PTH2R: variants seen among roughly 807,000 people sequenced by gnomAD.
PTH2R encodes the protein PTH2 receptor.
In PTH2R, 59 loss-of-function variants were observed where a neutral mutation model predicts 60.3. The observed-to-expected ratio is 0.98, with a 90% CI of 0.79 to 1.22. The LOEUF (loss-of-function observed/expected upper bound fraction) is 1.22. Ranked by LOEUF, PTH2R falls within the 50% of genes most tolerant of loss-of-function variation. PTH2R has a pLI of 0.00. For synonymous variants in PTH2R, 256 were observed against 243.8 expected, an observed-to-expected ratio of 1.05 and a Z score of -0.47; for missense variants, 749 against 682.6, an observed-to-expected ratio of 1.10 and a Z score of -1.08.
chr2:208,429,510 T>C (rs1701927671), intron 2 of PTH2R, among the ~76,000 whole-genome samples: 1 of 152,176 alleles, frequency 6.6e-6, no homozygotes. Context: ...TTAAAAAATA[T>C]GTACAATTTA....
chr2:208,493,144 C>T (rs1288525573), intron 12 of PTH2R, 120 bp from the exon 13 acceptor site: 15 of 1,109,158 alleles, frequency 1.4e-5, no homozygotes, highest in South Asian at 8.8e-5. Flanking sequence ...GTCCCTGGCA[C>T]GTAGAGGAAC....
chr2:208,436,015 G>T (rs1347836436), intron 2 of PTH2R, among the ~76,000 whole-genome samples: 7 of 152,174 alleles, frequency 4.6e-5, no homozygotes, highest in African/African-American at 1.7e-4. Flanking sequence ...AGAGCACAGA[G>T]AGTTGACACT....
At chr2:208,485,618 A>G (rs1406710702) in intron 10 of PTH2R, among the ~76,000 whole-genome samples, 1 of 152,206 alleles carries the variant, frequency 6.6e-6, no homozygotes, top group Non-Finnish European at 1.5e-5. Flanking sequence ...ACAGGGCTAT[A>G]ATTAGTTACA....
At chr2:208,480,572 C>T (rs1444660068) in intron 9 of PTH2R, among the ~76,000 whole-genome samples, 2 of 152,138 alleles carry the variant, frequency 1.3e-5, no homozygotes, top group Admixed American at 6.6e-5. Flanking sequence ...ACACTGGGAG[C>T]CTTTTCTTAT....
intron 1 of PTH2R, among the ~76,000 whole-genome samples, chr2:208,362,184 C>G (rs1700487028): frequency 6.6e-6 from 1 of 152,196 alleles, no homozygotes; most frequent in African/African-American, 2.4e-5. Context: ...TGGACTCAGA[C>G]TGGGGTTTCA....
At chr2:208,452,364 G>A (rs1317947257) in intron 8 of PTH2R, among the ~76,000 whole-genome samples, 1 of 152,196 alleles carries the variant, frequency 6.6e-6, no homozygotes, top group Admixed American at 6.5e-5. Context: ...TTGTTAGCAA[G>A]TATTATTCTT....
At chr2:208,475,038 G>T (rs951657023) in intron 9 of PTH2R, among the ~76,000 whole-genome samples, 1 of 152,198 alleles carries the variant, frequency 6.6e-6, no homozygotes, top group Non-Finnish European at 1.5e-5. Context: ...GGCAGCAAGC[G>T]TGATGGCAAT....
intron 1 of PTH2R, among the ~76,000 whole-genome samples, chr2:208,381,514 T>C (rs1421060629): frequency 6.6e-6 from 1 of 152,066 alleles, no homozygotes; most frequent in African/African-American, 2.4e-5. Flanking sequence ...CCTCAAACTC[T>C]TGGGCTTAAG....
intron 1 of PTH2R, among the ~76,000 whole-genome samples, chr2:208,370,956 T>G (rs1409408556): frequency 6.6e-6 from 1 of 151,908 alleles, no homozygotes; most frequent in Non-Finnish European, 1.5e-5. Flanking sequence ...GGAGCATGCA[T>G]CTTACATGGT....
chr2:208,454,334 A>C (rs966128967), intron 8 of PTH2R, among the ~76,000 whole-genome samples: 2 of 152,112 alleles, frequency 1.3e-5, no homozygotes, highest in Non-Finnish European at 2.9e-5. Context: ...ATGTGACTCT[A>C]TTTGGAGATA....
chr2:208,414,344 A>G (rs1701597432), intron 1 of PTH2R, among the ~76,000 whole-genome samples: 1 of 152,188 alleles, frequency 6.6e-6, no homozygotes, highest in Admixed American at 6.5e-5. Context: ...ATATAATTTA[A>G]TAAAAGTGGA....
At chr2:208,376,434 G>A (rs1700792576) in intron 1 of PTH2R, among the ~76,000 whole-genome samples, 1 of 152,032 alleles carries the variant, frequency 6.6e-6, no homozygotes, top group Non-Finnish European at 1.5e-5. Flanking sequence ...TGGCAAATAT[G>A]TGATTTTCGT....
chr2:208,447,414 C>T (rs574369314), intron 7 of PTH2R, among the ~76,000 whole-genome samples: 2 of 152,038 alleles, frequency 1.3e-5, no homozygotes, highest in East Asian at 3.9e-4. Context: ...CGGTGAATCC[C>T]TGCCTCTACT....
At chr2:208,428,986 G>T (rs1701915325) in intron 2 of PTH2R, among the ~76,000 whole-genome samples, 1 of 151,842 alleles carries the variant, frequency 6.6e-6, no homozygotes, top group Admixed American at 6.6e-5. Flanking sequence ...TCAGGAGGCT[G>T]AGGCAGGAGA....
intron 9 of PTH2R, among the ~76,000 whole-genome samples, chr2:208,468,562 C>T (rs1702807906): frequency 1.3e-5 from 2 of 152,300 alleles, no homozygotes; most frequent in African/African-American, 4.8e-5. Context: ...CAGTCAGTTG[C>T]TTGACCTTGT....
intron 2 of PTH2R, among the ~76,000 whole-genome samples, chr2:208,432,313 G>T (rs1701989475): frequency 6.6e-6 from 1 of 152,150 alleles, no homozygotes; most frequent in African/African-American, 2.4e-5. Flanking sequence ...GGGGTTAATG[G>T]CTTAATAGGG....
Position 208,428,266 on chromosome 2 carries a change from A to G in PTH2R, c.141A>G (p.Gln47=), listed in dbSNP as rs189305207. The change falls in exon 2 of 13, where the codon CAA becomes CAG. Residue 47 remains glutamine (Q), a synonymous_variant. Coordinates refer to ENST00000272847, the MANE Select transcript of PTH2R (RefSeq NM_005048.4). ...QIVLVLKAKV[Q]CELNITAQLQ... is the part of the protein sequence containing the mutation. ...TCCTTGTGCTGAAAGCGAAAGTACA[A>G]TGTGAACTCAACATCACAGCTCAAC... The G allele has an allele frequency of 3.1e-6, 5 of 1,613,524 alleles. No homozygotes were observed. Among genetic ancestry groups the G allele is most frequent in the Admixed American group, 3.3e-5 (2 of 59,956 alleles).
At chr2:208,380,796 G>C (rs146167237) in intron 1 of PTH2R, among the ~76,000 whole-genome samples, 1 of 152,198 alleles carries the variant, frequency 6.6e-6, no homozygotes, top group African/African-American at 2.4e-5. Context: ...CATCAGGTAG[G>C]GACTGTTAGC....
intron 1 of PTH2R, among the ~76,000 whole-genome samples, chr2:208,373,329 CT>C (rs1700737656): frequency 1.3e-5 from 2 of 151,796 alleles, no homozygotes; most frequent in South Asian, 4.1e-4. Context: ...GTTTGTTAAA[CT>C]GAAAAATAAA....
Sources: allele counts gnomAD v4.1 joint callset (sites outside exome capture counted in the v4.1 genomes callset), GRCh38; gene constraint gnomAD v4.1.1; transcripts MANE v1.5; gene names NCBI Gene and HGNC (gene_info 2026-07-23, HGNC 2026-07-21).